Variants in GRID1 observed in about 807,000 individuals in gnomAD.
GRID1 encodes the protein glutamate ionotropic receptor delta type subunit 1.
A neutral mutation model predicts 98.0 loss-of-function variants in GRID1; 28 were observed. The ratio of observed to expected loss-of-function variants is 0.29; its 90% CI spans 0.21 to 0.39. The LOEUF (loss-of-function observed/expected upper bound fraction) is 0.39. GRID1 is among the 10% of genes least tolerant of loss of function. GRID1 has a pLI of 1.00. For missense variants in GRID1, 1,111 were observed against 1,340.5 expected, an observed-to-expected ratio of 0.83 and a Z score of 2.67; for synonymous variants, 553 against 538.5, an observed-to-expected ratio of 1.03 and a Z score of -0.37.
intron 8 of GRID1, among the ~76,000 whole-genome samples, chr10:85,812,633 G>GA (rs904389908): frequency 2.0e-5 from 3 of 151,906 alleles, no homozygotes; most frequent in African/African-American, 2.4e-5. Flanking sequence ...ATAATTTCTG[G>GA]AAAAAAATGC....
chr10:85,974,581 A>C (rs1235921124), intron 4 of GRID1, among the ~76,000 whole-genome samples: 1 of 152,190 alleles, frequency 6.6e-6, no homozygotes, highest in Non-Finnish European at 1.5e-5. Context: ...TGGGATCCTC[A>C]TCTGTCAAGC....
At chr10:85,665,091 G>A (rs1214260191) in intron 12 of GRID1, among the ~76,000 whole-genome samples, 1 of 152,136 alleles carries the variant, frequency 6.6e-6, no homozygotes, top group Non-Finnish European at 1.5e-5. Flanking sequence ...TAGTGCTACT[G>A]TTGTTGTTAA....
chr10:85,944,759 C>T (rs1041024977), intron 4 of GRID1, among the ~76,000 whole-genome samples: 2 of 151,378 alleles, frequency 1.3e-5, no homozygotes, highest in Non-Finnish European at 1.5e-5. Context: ...TAGATAAATA[C>T]TAAAGGAGTA....
chr10:86,167,066 G>A (rs1169017762), intron 3 of GRID1, among the ~76,000 whole-genome samples: 1 of 152,238 alleles, frequency 6.6e-6, no homozygotes, highest in Non-Finnish European at 1.5e-5. Flanking sequence ...GGGTAGAAGG[G>A]GAAGGCCTCT....
chr10:85,804,007 C>A (rs1842599913), intron 8 of GRID1, among the ~76,000 whole-genome samples: 1 of 149,260 alleles, frequency 6.7e-6, no homozygotes, highest in Non-Finnish European at 1.5e-5. Context: ...ACAAAGTAAG[C>A]ACAAAATAAA....
chr10:85,899,343 C>T (rs1208399646), intron 5 of GRID1, among the ~76,000 whole-genome samples: 1 of 152,140 alleles, frequency 6.6e-6, no homozygotes, highest in Non-Finnish European at 1.5e-5. Flanking sequence ...GATTCCATAT[C>T]TTGCTATTGT....
intron 2 of GRID1, among the ~76,000 whole-genome samples, chr10:86,339,575 C>A (rs939722969): frequency 1.3e-5 from 2 of 152,246 alleles, no homozygotes; most frequent in African/African-American, 2.4e-5. Flanking sequence ...AACCTAGAGC[C>A]GGCCCTCAGG....
At chr10:85,652,188 C>T (rs1843279970) in intron 12 of GRID1, among the ~76,000 whole-genome samples, 2 of 152,160 alleles carry the variant, frequency 1.3e-5, no homozygotes, top group Admixed American at 6.5e-5. Context: ...CAGCTTGGTA[C>T]CACCTCCTGT....
chr10:85,958,914 A>G lies in GRID1; in HGVS notation c.727-42675T>C, dbSNP rs148123968. 3.7e-3 allele frequency among the ~76,000 whole-genome samples: 554 copies of G among 151,200 alleles called. 4 individuals are homozygous for G. Among genetic ancestry groups the G allele is most frequent in the African/African-American group, 0.013 (533 of 41,098 alleles). On this transcript the variant is annotated intron_variant, in intron 4 of 15. Coordinates refer to ENST00000327946, the MANE Select transcript of GRID1 (RefSeq NM_017551.3). Reference sequence around the variant, plus strand: ...AGAGGTTGTGGTGAGCCAAGATCACATCATTGCACTCCAGCCTGAGCTATG... The same window carrying G: ...AGAGGTTGTGGTGAGCCAAGATCACGTCATTGCACTCCAGCCTGAGCTATG...
At chr10:85,970,638 A>G (rs1842395318) in intron 4 of GRID1, among the ~76,000 whole-genome samples, 1 of 152,060 alleles carries the variant, frequency 6.6e-6, no homozygotes. Context: ...ATTAAAAACA[A>G]CAACAACACT....
At chr10:86,267,628 C>T (rs977775048) in intron 2 of GRID1, among the ~76,000 whole-genome samples, 2 of 152,180 alleles carry the variant, frequency 1.3e-5, no homozygotes, top group Non-Finnish European at 2.9e-5. Context: ...CAGGCAGTTC[C>T]GAGTGCCCAC....
chr10:86,157,904 T>G (rs1227174341), intron 3 of GRID1, among the ~76,000 whole-genome samples: 4 of 152,162 alleles, frequency 2.6e-5, no homozygotes, highest in Non-Finnish European at 5.9e-5. Flanking sequence ...CTGCCTGAGC[T>G]CCGGCTCCAG....
chr10:86,303,529 AT>A (rs1227523705), intron 2 of GRID1, among the ~76,000 whole-genome samples: 2 of 152,184 alleles, frequency 1.3e-5, no homozygotes, highest in African/African-American at 4.8e-5. Flanking sequence ...AGCACTCACT[AT>A]CTAAGAGGCA....
chr10:86,109,893 C>T lies in GRID1; in HGVS notation c.726+28926G>A, dbSNP rs536887590. ...CTTCAGTGTCCTCAGTTACAGCACT[C>T]CTCATAGGTAAAGAAAAAAATGCAT... On this transcript the variant is annotated intron_variant, in intron 4 of 15. Coordinates refer to ENST00000327946, the MANE Select transcript of GRID1 (RefSeq NM_017551.3). Among the ~76,000 whole-genome samples, 18 of 152,080 alleles carry T rather than the reference C, an allele frequency of 1.2e-4. No homozygotes were observed. The South Asian group carries it at 3.7e-3, about 32-fold the overall frequency.
At chr10:86,107,336 A>G (rs899187744) in intron 4 of GRID1, among the ~76,000 whole-genome samples, 1 of 152,168 alleles carries the variant, frequency 6.6e-6, no homozygotes, top group African/African-American at 2.4e-5. Flanking sequence ...CCTGATAACA[A>G]TGCACAGCCA....
intron 8 of GRID1, among the ~76,000 whole-genome samples, chr10:85,802,995 A>C (rs1842591425): frequency 6.6e-6 from 1 of 152,156 alleles, no homozygotes; most frequent in South Asian, 2.1e-4. Context: ...ATAAATAAAA[A>C]CAGGAATAAA....
intron 13 of GRID1, among the ~76,000 whole-genome samples, chr10:85,644,897 A>G (rs1474558473): frequency 6.6e-6 from 1 of 152,204 alleles, no homozygotes; most frequent in Non-Finnish European, 1.5e-5. Flanking sequence ...TATTTCACAG[A>G]TCACTAATAA....
intron 4 of GRID1, among the ~76,000 whole-genome samples, chr10:86,118,938 C>A (rs1447881736): frequency 6.6e-6 from 1 of 152,172 alleles, no homozygotes. Context: ...GAGAAACTAT[C>A]ACATCCAAGA....
At chr10:86,047,247 G>A (rs1843436848) in intron 4 of GRID1, among the ~76,000 whole-genome samples, 1 of 152,218 alleles carries the variant, frequency 6.6e-6, no homozygotes, top group Admixed American at 6.5e-5. Flanking sequence ...GCCCTGGTGG[G>A]AGAAGGTAGT....
Sources: gnomAD v4.1 joint callset for allele counts (sites outside exome capture counted in the v4.1 genomes callset) on GRCh38, gnomAD v4.1.1 for gene constraint, MANE v1.5 for transcripts, NCBI Gene and HGNC (gene_info 2026-07-23, HGNC 2026-07-21) for gene names.